Variants in PECAM1 observed in about 807,000 individuals in gnomAD.
PECAM1 encodes the protein platelet and endothelial cell adhesion molecule 1, also known as platelet endothelial cell adhesion molecule.
A neutral mutation model predicts 13.8 loss-of-function variants in PECAM1; 8 were observed. The ratio of observed to expected loss-of-function variants is 0.58; its 90% confidence interval spans 0.34 to 1.05. PECAM1 has a LOEUF of 1.05. PECAM1 is among the 50% of genes least tolerant of loss of function. The pLI is 0.03. For missense variants in PECAM1, 304 were observed against 141.2 expected (o/e 2.15, Z -5.84); for synonymous variants, 136 against 52.6 (o/e 2.58, Z -6.86).
chr17:64,347,486 C>T (rs1310366424), intron 13 of PECAM1, among the ~76,000 whole-genome samples: 4 of 146,342 alleles, frequency 2.7e-5, no homozygotes, highest in Non-Finnish European at 6.0e-5. Flanking sequence ...GCTGAGATCT[C>T]GCAACTGCAC....
At chr17:64,336,191 G>A (rs965467709) in intron 14 of PECAM1, among the ~76,000 whole-genome samples, 47 of 151,996 alleles carry the variant, frequency 3.1e-4, no homozygotes, top group Non-Finnish European at 5.3e-4. Flanking sequence ...ACTTGAACCC[G>A]GGAGCTGGAG....
intron 14 of PECAM1, among the ~76,000 whole-genome samples, chr17:64,336,009 A>G (rs947242490): frequency 0.038 from 5,854 of 152,212 alleles, 378 homozygotes; most frequent in African/African-American, 0.13. Context: ...CACACCTGTT[A>G]TCCCAGCACT....
intron 6 of PECAM1, among the ~76,000 whole-genome samples, chr17:64,361,753 C>CAAAAAAAAAAAAAAAAAAAAAA (rs61144320): frequency 1.5e-5 from 1 of 68,136 alleles, no homozygotes; most frequent in Non-Finnish European, 2.5e-5. Flanking sequence ...AACTCCATCT[C>CAAAAAAAAAAAAAAAAAAAAAA]AAAAAAAAAA....
chr17:64,338,917 T>C (rs1598005433), intron 14 of PECAM1, among the ~76,000 whole-genome samples: 1 of 152,316 alleles, frequency 6.6e-6, no homozygotes, highest in East Asian at 1.9e-4. Context: ...ATCATTGATG[T>C]TTCTCCTGTG....
intron 4 of PECAM1, among the ~76,000 whole-genome samples, chr17:64,374,205 A>G (rs1022810895): frequency 7.2e-5 from 11 of 152,222 alleles, no homozygotes; most frequent in African/African-American, 2.7e-4. Context: ...AAAGACTGAA[A>G]TAGGCTGGGC....
At chr17:64,348,600 G>T (rs1030155280) in intron 12 of PECAM1, among the ~76,000 whole-genome samples, 3 of 151,680 alleles carry the variant, frequency 2.0e-5, no homozygotes, top group Admixed American at 6.6e-5. Flanking sequence ...TAGAGACGGG[G>T]TTAATTTTTG....
Position 64,363,247 on chromosome 17 carries a change from G to A in PECAM1, c.1118C>T (p.Thr373Ile). 1 of 475,432 alleles carries A rather than the reference G, an allele frequency of 2.1e-6. No individual in the cohort carries two copies. The highest frequency in any genetic ancestry group is 6.7e-5 in the South Asian group (1 of 14,888). 29.5% of individuals were successfully genotyped at this position (475,432 alleles called of 1,614,324 possible). A position where few individuals can be genotyped will look rare whatever the true frequency, so the allele number is the denominator to read the frequency against. The change falls in exon 6 of 16, where the codon ACC becomes ATC. Residue 373 changes from threonine to isoleucine, a missense_variant. Coordinates refer to ENST00000563924, the MANE Select transcript of PECAM1 (RefSeq NM_000442.5). ...ACTGTCCGACTTTGAGGCTATCTTGGTGAAATCTTGAGTCTGTGACACAAT... is the reference window on the plus strand; with the variant it reads ...ACTGTCCGACTTTGAGGCTATCTTGATGAAATCTTGAGTCTGTGACACAAT... ...DTIVSQTQDF[T>I]KIASKSDSGT...
At chr17:64,388,558 C>T (rs2036649621) in intron 2 of PECAM1, among the ~76,000 whole-genome samples, 1 of 152,236 alleles carries the variant, frequency 6.6e-6, no homozygotes, top group African/African-American at 2.4e-5. Context: ...GTCTAAAAGA[C>T]TTGAGTCAGG....
intron 3 of PECAM1, chr17:64,377,526 G>A (rs1232762385): frequency 1.5e-4 from 26 of 174,062 alleles, no homozygotes; most frequent in East Asian, 4.4e-4. Context: ...CAGGAGAATC[G>A]CTTGAACCTG....
At chr17:64,338,834 C>T (rs1330814530) in intron 14 of PECAM1, among the ~76,000 whole-genome samples, 1 of 152,232 alleles carries the variant, frequency 6.6e-6, no homozygotes, top group Non-Finnish European at 1.5e-5. Context: ...GCTGGGATTA[C>T]AGGCGTGAGC....
chr17:64,347,726 T>TTATATA (rs1225163933), intron 13 of PECAM1, among the ~76,000 whole-genome samples: 29 of 140,782 alleles, frequency 2.1e-4, no homozygotes, highest in African/African-American at 7.1e-4. Context: ...ATTATATATT[T>TTATATA]TATATATATA....
At position 64,321,295 on chromosome 17, in the gene PECAM1, G is replaced by A; in HGVS notation, c.*2521C>T. ...AAACTCCTGGAGTGGGTGCTCCTGG[G>A]ATGCTTCAGGTTTAGACACCGGGGT... On this transcript the variant is annotated 3_prime_UTR_variant, in exon 16 of 16. Transcript: ENST00000563924. 1 of 299,780 alleles carries A rather than the reference G, an allele frequency of 3.3e-6. No homozygotes were observed. Among genetic ancestry groups the A allele is most frequent in the Non-Finnish European group, 4.9e-6 (1 of 203,188 alleles). 18.6% of individuals were successfully genotyped at this position (299,780 alleles called of 1,614,324 possible).
chr17:64,321,903 T>C lies in PECAM1; in HGVS notation c.*1913A>G. The C allele has an allele frequency of 7.4e-7, 1 of 1,345,678 alleles. No homozygotes were observed. Among genetic ancestry groups the C allele is most frequent in the Non-Finnish European group, 9.8e-7 (1 of 1,016,526 alleles). The allele number at this position is 1,345,678 out of a possible 1,614,324, so 83.4% of individuals were successfully genotyped here. A position where few individuals can be genotyped will look rare whatever the true frequency, so the allele number is the denominator to read the frequency against. On this transcript the variant is annotated 3_prime_UTR_variant, in exon 16 of 16. Coordinates refer to ENST00000563924, the MANE Select transcript of PECAM1 (RefSeq NM_000442.5). ...TAAGGAACTCCCTGGACACAGGGGATCTGGCTGTCCCCAGATCATCAACAG... is the reference window on the plus strand; with the variant it reads ...TAAGGAACTCCCTGGACACAGGGGACCTGGCTGTCCCCAGATCATCAACAG...
Position 64,323,621 on chromosome 17 carries a change from T to A in PECAM1, c.*195A>T. 1 of 1,445,552 alleles carries A rather than the reference T, an allele frequency of 6.9e-7. No individual in the cohort carries two copies. The highest frequency in any genetic ancestry group is 9.1e-7 in the Non-Finnish European group (1 of 1,103,164). The allele number at this position is 1,445,552 out of a possible 1,614,324, so 89.5% of individuals were successfully genotyped here. On this transcript the variant is annotated 3_prime_UTR_variant, in exon 16 of 16. Coordinates refer to ENST00000563924, the MANE Select transcript of PECAM1 (RefSeq NM_000442.5). ...GGTATGTGGGAAATTCAACAGCCCCTCTGTATCTCTTTCTACCCAACATTA... is the reference window on the plus strand; with the variant it reads ...GGTATGTGGGAAATTCAACAGCCCCACTGTATCTCTTTCTACCCAACATTA...
At chr17:64,363,002 T>G in intron 6 of PECAM1, 147 bp downstream of exon 6, 1 of 432,682 alleles carries the variant, frequency 2.3e-6, no homozygotes, top group Admixed American at 3.8e-5. Flanking sequence ...ACCTCCTTGT[T>G]TCTTTGGCCT....
intron 15 of PECAM1, among the ~76,000 whole-genome samples, chr17:64,326,844 C>T (rs1405607815): frequency 2.0e-5 from 3 of 152,218 alleles, no homozygotes; most frequent in Non-Finnish European, 2.9e-5. Flanking sequence ...GCCTTGTACC[C>T]GGAATATGGT....
intron 2 of PECAM1, among the ~76,000 whole-genome samples, chr17:64,387,073 A>T (rs1437910058): frequency 2.6e-5 from 4 of 152,194 alleles, no homozygotes; most frequent in Non-Finnish European, 5.9e-5. Context: ...GTCCAAAGTC[A>T]GCCATGGGGG....
At chr17:64,340,864 G>A (rs948834089) in intron 14 of PECAM1, among the ~76,000 whole-genome samples, 4 of 152,116 alleles carry the variant, frequency 2.6e-5, no homozygotes, top group Non-Finnish European at 2.9e-5. Flanking sequence ...TTGGGAGGCC[G>A]AGGCGCGCGG....
At chr17:64,364,655 G>A (rs1228052516) in intron 5 of PECAM1, among the ~76,000 whole-genome samples, 3 of 146,218 alleles carry the variant, frequency 2.1e-5, no homozygotes, top group East Asian at 2.0e-4. Flanking sequence ...TGGGATGCAA[G>A]GCTGGTTCAA....
Sources: allele counts gnomAD v4.1 joint callset (sites outside exome capture counted in the v4.1 genomes callset), GRCh38; gene constraint gnomAD v4.1.1; transcripts MANE v1.5; gene names NCBI Gene and HGNC (gene_info 2026-07-23, HGNC 2026-07-21).